The following CCDC73 variants were observed in gnomAD, a reference collection of about 807,000 sequenced individuals.
CCDC73 encodes coiled-coil domain containing 73.
In CCDC73, 95 loss-of-function variants were observed where a neutral mutation model predicts 116.5. The observed-to-expected ratio is 0.82, with a 90% CI of 0.69 to 0.97. CCDC73 has a LOEUF of 0.97. Ranked by LOEUF, CCDC73 falls within the 50% of genes least tolerant of loss-of-function variation. The pLI is 0.00. For synonymous variants in CCDC73, 398 were observed against 401.3 expected, an observed-to-expected ratio of 0.99 and a Z score of 0.10; for missense variants, 1,066 against 1,206.8, an observed-to-expected ratio of 0.88 and a Z score of 1.73.
At chr11:32,687,452 A>T (rs1478272988) in intron 6 of CCDC73, among the ~76,000 whole-genome samples, 1 of 152,226 alleles carries the variant, frequency 6.6e-6, no homozygotes, top group African/African-American at 2.4e-5. Context: ...GTTATGTAAC[A>T]GGGTGTTTTA....
chr11:32,744,597 G>A (rs1005703393), intron 2 of CCDC73, among the ~76,000 whole-genome samples: 1 of 152,140 alleles, frequency 6.6e-6, no homozygotes, highest in Non-Finnish European at 1.5e-5. Flanking sequence ...TCTGTTATTG[G>A]TCTATTCAGA....
chr11:32,784,722 T>G (rs927546341), intron 1 of CCDC73, among the ~76,000 whole-genome samples: 11 of 152,206 alleles, frequency 7.2e-5, no homozygotes, highest in Non-Finnish European at 1.5e-4. Flanking sequence ...AAACTTTATT[T>G]TAAGAAAAGT....
chr11:32,829,829 A>G, the CCDC73 span: 3 of 985,324 alleles, frequency 3.0e-6, no homozygotes, highest in Admixed American at 1.8e-4. Context: ...GGCTCCCGGG[A>G]GACGCCGGCC....
At chr11:32,786,615 G>A (rs966768839) in intron 1 of CCDC73, among the ~76,000 whole-genome samples, 2 of 149,884 alleles carry the variant, frequency 1.3e-5, no homozygotes, top group African/African-American at 4.9e-5. Context: ...TTTTATATAA[G>A]TATTACAAGC....
intron 9 of CCDC73, among the ~76,000 whole-genome samples, chr11:32,663,779 G>A (rs542804598): frequency 5.3e-5 from 8 of 152,164 alleles, no homozygotes; most frequent in South Asian, 4.2e-4. Context: ...GGAATGCTTC[G>A]AGTTTTTGCC....
At chr11:32,607,416 A>G (rs1855369051) in intron 17 of CCDC73, among the ~76,000 whole-genome samples, 1 of 152,224 alleles carries the variant, frequency 6.6e-6, no homozygotes, top group Non-Finnish European at 1.5e-5. Context: ...TAAAAGCAAC[A>G]TTAGTTGCAG....
At chr11:32,724,189 C>A (rs1302769539) in intron 2 of CCDC73, among the ~76,000 whole-genome samples, 1 of 151,964 alleles carries the variant, frequency 6.6e-6, no homozygotes, top group Admixed American at 6.6e-5. Flanking sequence ...CCATTAATTA[C>A]CCAGTTTTCC....
chr11:32,829,278 A>G, the CCDC73 span, among the ~76,000 whole-genome samples: 3 of 152,258 alleles, frequency 2.0e-5, no homozygotes, highest in Non-Finnish European at 2.9e-5. Flanking sequence ...ATTAGGAGAC[A>G]GAATGATGAC....
chr11:32,785,950 A>T (rs1343525566), intron 1 of CCDC73, among the ~76,000 whole-genome samples: 1 of 152,154 alleles, frequency 6.6e-6, no homozygotes, highest in Non-Finnish European at 1.5e-5. Context: ...AACATATGTA[A>T]AGACCTGGTT....
At chr11:32,779,136 G>A (rs1174627238) in intron 1 of CCDC73, among the ~76,000 whole-genome samples, 1 of 152,016 alleles carries the variant, frequency 6.6e-6, no homozygotes, top group Non-Finnish European at 1.5e-5. Flanking sequence ...CAAATTGCTA[G>A]GCACAGCCTG....
intron 2 of CCDC73, among the ~76,000 whole-genome samples, chr11:32,732,159 A>G (rs565932567): frequency 6.6e-6 from 1 of 152,358 alleles, no homozygotes; most frequent in East Asian, 1.9e-4. Flanking sequence ...ACTGGAAGAA[A>G]GGGTATCAGT....
intron 9 of CCDC73, among the ~76,000 whole-genome samples, chr11:32,663,605 T>C (rs1260305287): frequency 5.3e-5 from 8 of 152,208 alleles, no homozygotes; most frequent in Admixed American, 3.3e-4. Flanking sequence ...TTTCTAAATA[T>C]ACAGTCATGT....
At chr11:32,696,013 T>A (rs1358303433) in intron 6 of CCDC73, among the ~76,000 whole-genome samples, 1 of 152,136 alleles carries the variant, frequency 6.6e-6, no homozygotes, top group African/African-American at 2.4e-5. Flanking sequence ...CTAGTATCAT[T>A]TTAACCTGGA....
intron 3 of CCDC73, among the ~76,000 whole-genome samples, chr11:32,712,163 A>C (rs530477479): frequency 6.6e-6 from 1 of 152,284 alleles, no homozygotes; most frequent in South Asian, 2.1e-4. Context: ...AAGTCTACTA[A>C]CAGGAAGACA....
chr11:32,757,721 C>A (rs1850356130), intron 2 of CCDC73, among the ~76,000 whole-genome samples: 1 of 152,170 alleles, frequency 6.6e-6, no homozygotes, highest in Non-Finnish European at 1.5e-5. Context: ...ATCTTCCAGT[C>A]GCTTTCTCTT....
the CCDC73 span, among the ~76,000 whole-genome samples, chr11:32,801,725 G>T: frequency 6.6e-6 from 1 of 151,862 alleles, no homozygotes; most frequent in Non-Finnish European, 1.5e-5. Context: ...GCAATCAATA[G>T]CATCTGCTAC....
intron 13 of CCDC73, among the ~76,000 whole-genome samples, chr11:32,637,337 T>C (rs1855691489): frequency 1.3e-5 from 2 of 152,092 alleles, no homozygotes; most frequent in Non-Finnish European, 2.9e-5. Flanking sequence ...TTAAAGTCTA[T>C]ACTTGCTACT....
chr11:32,739,832 G>A (rs766190169), intron 2 of CCDC73, among the ~76,000 whole-genome samples: 2 of 152,014 alleles, frequency 1.3e-5, no homozygotes, highest in Non-Finnish European at 2.9e-5. Context: ...ATCATATATG[G>A]CTTTTACTGT....
Position 32,611,280 on chromosome 11 carries a change from G to A in CCDC73, c.2897-15C>T, listed in dbSNP as rs762149400. ...GCTGGTAGTATCTGATTGATAAAGAGGAAATGGCAACAACTGAATTTTTCT... is the reference window on the plus strand; with the variant it reads ...GCTGGTAGTATCTGATTGATAAAGAAGAAATGGCAACAACTGAATTTTTCT... On this transcript the variant is annotated splice_polypyrimidine_tract_variant and intron_variant, in intron 16 of 17. Coordinates refer to ENST00000335185, the MANE Select transcript of CCDC73 (RefSeq NM_001008391.4). The A allele has an allele frequency of 6.2e-7, 1 of 1,605,166 alleles. No individual in the cohort carries two copies. The highest frequency in any genetic ancestry group is 1.1e-5 in the South Asian group (1 of 89,276).
Sources: allele counts gnomAD v4.1 joint callset (sites outside exome capture counted in the v4.1 genomes callset), GRCh38; gene constraint gnomAD v4.1.1; transcripts MANE v1.5; gene names NCBI Gene and HGNC (gene_info 2026-07-23, HGNC 2026-07-21).